Variants in TENM1 observed in about 807,000 individuals in gnomAD.
TENM1 encodes the protein teneurin-1.
A neutral mutation model predicts 174.8 loss-of-function variants in TENM1; 35 were observed. The observed-to-expected ratio is 0.20, with a 90% confidence interval of 0.15 to 0.27. The LOEUF (loss-of-function observed/expected upper bound fraction) is 0.27. Ranked by LOEUF, TENM1 falls within the 10% of genes least tolerant of loss-of-function variation. The pLI is 1.00. For synonymous variants in TENM1, 781 were observed against 798.7 expected (o/e 0.98, Z 0.37); for missense variants, 1,633 against 2,130.1 (o/e 0.77, Z 4.59).
intron 3 of TENM1, among the ~76,000 whole-genome samples, chrX:124,819,850 C>T (rs900551252): frequency 2.8e-5 from 3 of 107,912 alleles, no homozygotes; most frequent in Non-Finnish European, 5.8e-5. Context: ...GGTTGGAGCG[C>T]AGTGGCATGA....
At chrX:124,598,786 G>A (rs755026963) in intron 11 of TENM1, among the ~76,000 whole-genome samples, 1 of 111,273 alleles carries the variant, frequency 9.0e-6, no homozygotes, top group Non-Finnish European at 1.9e-5. Flanking sequence ...GGGAGATGGG[G>A]ATGGTTAGTG....
At chrX:125,090,079 G>T in the TENM1 span, among the ~76,000 whole-genome samples, 34 of 111,434 alleles carry the variant, frequency 3.1e-4, no homozygotes, top group Non-Finnish European at 4.0e-4. Context: ...CATTATCTAT[G>T]CCATCTCTTG....
chrX:124,873,280 C>T (rs904608577), intron 3 of TENM1, among the ~76,000 whole-genome samples: 1 of 111,418 alleles, frequency 9.0e-6, no homozygotes, highest in Non-Finnish European at 1.9e-5. Flanking sequence ...CTTACTTCCT[C>T]TCCACAAATG....
the TENM1 span, among the ~76,000 whole-genome samples, chrX:125,182,215 A>C: frequency 9.1e-6 from 1 of 110,103 alleles, no homozygotes; most frequent in Non-Finnish European, 1.9e-5. Context: ...AATCAGGCCA[A>C]GTTCTTCTCA....
chrX:125,128,961 A>G, the TENM1 span, among the ~76,000 whole-genome samples: 1 of 111,299 alleles, frequency 9.0e-6, no homozygotes, highest in East Asian at 2.8e-4. Flanking sequence ...TAGGGCCTCC[A>G]AAGAAGTAAT....
At chrX:124,426,928 C>T (rs1378787587) in intron 23 of TENM1, among the ~76,000 whole-genome samples, 1 of 111,465 alleles carries the variant, frequency 9.0e-6, no homozygotes, top group Non-Finnish European at 1.9e-5. Flanking sequence ...AGAGTGAACG[C>T]CTGCTGCTTT....
chrX:124,906,807 C>T (rs1384545251), intron 1 of TENM1, among the ~76,000 whole-genome samples: 3 of 111,233 alleles, frequency 2.7e-5, no homozygotes, highest in Admixed American at 1.9e-4. Context: ...GTTAAAGAGG[C>T]CAAATAAAAA....
chrX:124,543,377 G>A (rs1042484132), intron 15 of TENM1, among the ~76,000 whole-genome samples: 1 of 112,254 alleles, frequency 8.9e-6, no homozygotes, highest in Admixed American at 9.4e-5. Context: ...GCCTCTCATG[G>A]TTACAAAACA....
At chrX:125,194,547 T>A in the TENM1 span, among the ~76,000 whole-genome samples, 1 of 111,866 alleles carries the variant, frequency 8.9e-6, no homozygotes, top group Non-Finnish European at 1.9e-5. Context: ...CAGTTGACAC[T>A]ACTACAACAT....
intron 1 of TENM1, among the ~76,000 whole-genome samples, chrX:124,918,281 G>A (rs769026430): frequency 4.6e-5 from 5 of 109,743 alleles, no homozygotes; most frequent in Non-Finnish European, 9.5e-5. Context: ...CCAGGTTCAA[G>A]CGATTCTCCA....
chrX:124,722,333 G>A (rs762185547), intron 4 of TENM1, among the ~76,000 whole-genome samples: 20 of 111,561 alleles, frequency 1.8e-4, no homozygotes, highest in African/African-American at 5.5e-4. Context: ...ACAAGGGACC[G>A]CCTAGTGTTT....
At position 124,746,377 on chromosome X, in the gene TENM1, G is replaced by A. The variant is rs768683080; in HGVS notation, c.536-9180C>T. On this transcript the variant is annotated intron_variant, in intron 3 of 31. Transcript: ENST00000422452. ...CATTATTACAAATTTTCATCTTCTTGTTTTTCAACATGGCATTTTAGTGAA... is the reference window on the plus strand; with the variant it reads ...CATTATTACAAATTTTCATCTTCTTATTTTTCAACATGGCATTTTAGTGAA... 2.7e-5 allele frequency among the ~76,000 whole-genome samples: 3 copies of A among 111,310 alleles called. No homozygotes were observed. In the South Asian group the frequency reaches 1.1e-3, roughly 42 times the overall value.
At chrX:125,193,812 C>T in the TENM1 span, among the ~76,000 whole-genome samples, 4 of 111,287 alleles carry the variant, frequency 3.6e-5, no homozygotes, top group Non-Finnish European at 5.7e-5. Flanking sequence ...CAAGCTCTTG[C>T]TCTGTCATTT....
chrX:125,114,923 C>A, the TENM1 span, among the ~76,000 whole-genome samples: 3 of 111,547 alleles, frequency 2.7e-5, no homozygotes. Context: ...CAAAACGTGG[C>A]AGAGACACAA....
At chrX:124,464,252 T>G (rs1411001922) in intron 22 of TENM1, among the ~76,000 whole-genome samples, 1 of 111,429 alleles carries the variant, frequency 9.0e-6, no homozygotes, top group Non-Finnish European at 1.9e-5. Flanking sequence ...TTGCAGTTGT[T>G]GCACTCTAGG....
chrX:124,812,126 G>GA (rs1214606927), intron 3 of TENM1, among the ~76,000 whole-genome samples: 5 of 110,893 alleles, frequency 4.5e-5, no homozygotes, highest in Admixed American at 2.9e-4. Flanking sequence ...TTGTATTCTT[G>GA]AAAAATGCTA....
At chrX:124,766,091 C>T (rs946905661) in intron 3 of TENM1, among the ~76,000 whole-genome samples, 6 of 111,539 alleles carry the variant, frequency 5.4e-5, no homozygotes, top group African/African-American at 2.0e-4. Context: ...TTGCTCCTTA[C>T]AACAGGAGTC....
chrX:125,182,207 T>A, the TENM1 span, among the ~76,000 whole-genome samples: 2 of 110,129 alleles, frequency 1.8e-5, no homozygotes, highest in African/African-American at 6.6e-5. Flanking sequence ...GCCAGTAAAA[T>A]CAGGCCAAGT....
Position 124,471,413 on chromosome X carries a change from ATAG to A in TENM1, c.3949+10316_3949+10318del, listed in dbSNP as rs1429426649. 1.9e-4 allele frequency among the ~76,000 whole-genome samples: 5 copies of A among 26,740 alleles called. 1 individual carries two copies. The highest frequency in any genetic ancestry group is 3.2e-4 in the Non-Finnish European group (5 of 15,548). 23.2% of individuals were successfully genotyped at this position (26,740 alleles called of 115,157 possible). On this transcript the variant is annotated intron_variant, in intron 22 of 31. Transcript: ENST00000422452. ...CTATATATAATATATATTATAATAT[ATAG>A]TAATATATTATATATTATATAATAT...
Sources: allele counts gnomAD v4.1 joint callset (sites outside exome capture counted in the v4.1 genomes callset), GRCh38; gene constraint gnomAD v4.1.1; transcripts MANE v1.5; gene names NCBI Gene and HGNC (gene_info 2026-07-23, HGNC 2026-07-21).